Variants in RAB31 observed in about 807,000 individuals in gnomAD.
The protein encoded by RAB31 is RAB31, member RAS oncogene family, also known as ras-related protein Rab-31.
RAB31 carries 21 observed loss-of-function variants against 25.6 expected under a neutral mutation model. The ratio of observed to expected loss-of-function variants is 0.82; its 90% CI spans 0.58 to 1.18. The LOEUF (loss-of-function observed/expected upper bound fraction) is 1.18, where lower values mean the gene tolerates loss of function less well. Ranked by LOEUF, RAB31 falls within the 50% of genes most tolerant of loss-of-function variation. RAB31 has a pLI of 0.00. For synonymous variants in RAB31, 87 were observed against 84.0 expected (o/e 1.04, Z -0.20); for missense variants, 196 against 250.1 (o/e 0.78, Z 1.46).
chr18:9,749,871 A>C (rs1015047332), intron 1 of RAB31, among the ~76,000 whole-genome samples: 2 of 152,192 alleles, frequency 1.3e-5, no homozygotes, highest in African/African-American at 4.8e-5. Flanking sequence ...CAGCACACTG[A>C]GGCTTTATGG....
chr18:9,739,341 G>C lies in RAB31; in HGVS notation c.39+30897G>C, dbSNP rs545808118. Among the ~76,000 whole-genome samples the C allele has an allele frequency of 1.1e-4, 16 of 152,176 alleles. No homozygotes were observed. The South Asian group carries it at 3.3e-3, about 32-fold the overall frequency. ...TAAAAAATTAGCTGGGTGTGGTGGC[G>C]AGCACCTGTAGTCCCAGCTACTCAG... On this transcript the variant is annotated intron_variant, in intron 1 of 6. Coordinates refer to ENST00000578921, the MANE Select transcript of RAB31 (RefSeq NM_006868.4).
At chr18:9,758,955 G>C (rs1439819721) in intron 1 of RAB31, among the ~76,000 whole-genome samples, 1 of 152,130 alleles carries the variant, frequency 6.6e-6, no homozygotes. Flanking sequence ...GCTCTGTTGG[G>C]TGGGACAGGA....
At chr18:9,802,271 C>G (rs1168318642) in intron 3 of RAB31, among the ~76,000 whole-genome samples, 3 of 152,178 alleles carry the variant, frequency 2.0e-5, no homozygotes, top group African/African-American at 7.2e-5. Flanking sequence ...TTGGGGTTAC[C>G]TGCTCCTTAA....
At chr18:9,822,162 A>ACC (rs1204492184) in intron 5 of RAB31, among the ~76,000 whole-genome samples, 1 of 152,178 alleles carries the variant, frequency 6.6e-6, no homozygotes, top group Non-Finnish European at 1.5e-5. Flanking sequence ...ATCTACACAA[A>ACC]TATGCTCAAT....
In RAB31 at chr18:9,786,009, C is replaced by T. The variant is rs182311536; in HGVS notation, c.120-6145C>T. ...CCAGTTGCAGTGAGCTGAGATCATG[C>T]GACTGCACTCTAGCGTGGGCGACAG... On this transcript the variant is annotated intron_variant, in intron 2 of 6. Coordinates refer to ENST00000578921, the MANE Select transcript of RAB31 (RefSeq NM_006868.4). Among the ~76,000 whole-genome samples the T allele has an allele frequency of 6.2e-4, 94 of 151,700 alleles. 1 individual carries two copies. The highest frequency in any genetic ancestry group is 6.0e-3 in the Admixed American group (92 of 15,226).
intron 5 of RAB31, among the ~76,000 whole-genome samples, chr18:9,828,825 A>G (rs2068662923): frequency 6.6e-6 from 1 of 152,202 alleles, no homozygotes; most frequent in Non-Finnish European, 1.5e-5. Flanking sequence ...GTGAACATCA[A>G]AAGGCCTGAA....
chr18:9,712,668 G>A (rs1210764163), intron 1 of RAB31, among the ~76,000 whole-genome samples: 1 of 152,098 alleles, frequency 6.6e-6, no homozygotes, highest in Admixed American at 6.5e-5. Context: ...GAGAGAGTGG[G>A]GAGGAGGAGA....
At chr18:9,830,471 G>A (rs1367304389) in intron 5 of RAB31, 2 of 152,154 alleles carry the variant, frequency 1.3e-5, no homozygotes, top group Non-Finnish European at 1.5e-5. Context: ...CAACCTGATT[G>A]TCCGTCACCC....
At chr18:9,809,554 C>T (rs1291591547) in intron 3 of RAB31, among the ~76,000 whole-genome samples, 1 of 152,118 alleles carries the variant, frequency 6.6e-6, no homozygotes, top group African/African-American at 2.4e-5. Flanking sequence ...GCCACCTCCA[C>T]GTGGCCTGGT....
chr18:9,790,293 C>T (rs751052734), intron 2 of RAB31, among the ~76,000 whole-genome samples: 6 of 152,190 alleles, frequency 3.9e-5, no homozygotes, highest in South Asian at 2.1e-4. Context: ...GCAATCTTGG[C>T]GCTTCACTAC....
chr18:9,764,111 A>C (rs74692557), intron 1 of RAB31, among the ~76,000 whole-genome samples: 4,483 of 152,280 alleles, frequency 0.029, 158 homozygotes, highest in African/African-American at 0.083. Flanking sequence ...AAAAACGCAT[A>C]TTTTAGTTTC....
rs566360387 is a variant in RAB31 at position 9,744,003 on chromosome 18, C to T, written c.40-31275C>T. The stretch of plus-strand genomic sequence containing the variant: ...CAGTGGGTGCTTTAATCATGGGGCA[C>T]AGTGGGTGCATTAATCTTTCCTCAT... On this transcript the variant is annotated intron_variant, in intron 1 of 6. Transcript: ENST00000578921. 2.6e-5 allele frequency among the ~76,000 whole-genome samples: 4 copies of T among 152,360 alleles called. No individual in the cohort carries two copies. In the East Asian group the frequency reaches 7.7e-4, roughly 29 times the overall value.
At chr18:9,853,940 C>CT (rs1215606898) in intron 6 of RAB31, among the ~76,000 whole-genome samples, 1 of 141,144 alleles carries the variant, frequency 7.1e-6, no homozygotes. Flanking sequence ...TTAAGGTTTT[C>CT]TTTTTTTCTT....
At chr18:9,715,430 A>G (rs1330886411) in intron 1 of RAB31, among the ~76,000 whole-genome samples, 1 of 149,338 alleles carries the variant, frequency 6.7e-6, no homozygotes, top group African/African-American at 2.5e-5. Flanking sequence ...TTTTTTTTGA[A>G]AAATTTAAAA....
chr18:9,777,433 C>A (rs755727545), intron 2 of RAB31, among the ~76,000 whole-genome samples: 1 of 152,174 alleles, frequency 6.6e-6, no homozygotes. Context: ...AAAACACAAT[C>A]CGGAAAAAAG....
intron 1 of RAB31, among the ~76,000 whole-genome samples, chr18:9,743,794 G>T (rs2068191840): frequency 6.6e-6 from 1 of 152,198 alleles, no homozygotes; most frequent in Admixed American, 6.5e-5. Flanking sequence ...TCTGCCTTTG[G>T]CACCTCCAGG....
chr18:9,754,805 G>A (rs924561464), intron 1 of RAB31, among the ~76,000 whole-genome samples: 7 of 152,172 alleles, frequency 4.6e-5, no homozygotes, highest in Admixed American at 3.3e-4. Flanking sequence ...AGGATACCGA[G>A]GGACAACTGT....
Position 9,860,977 on chromosome 18 carries a change from A to C in RAB31, c.*1652A>C, listed in dbSNP as rs1432317921. 1 of 152,140 alleles carries C rather than the reference A, an allele frequency of 6.6e-6. No individual in the cohort carries two copies. The highest frequency in any genetic ancestry group is 1.5e-5 in the Non-Finnish European group (1 of 68,034). The allele number at this position is 152,140 out of a possible 1,614,324, so 9.4% of individuals were successfully genotyped here. ...ATAGGTACCTCAAAAACTGTTAGCA[A>C]GCGGCATTTGGATGTCTTGACAGGG... On this transcript the variant is annotated 3_prime_UTR_variant, in exon 7 of 7. Coordinates refer to ENST00000578921, the MANE Select transcript of RAB31 (RefSeq NM_006868.4).
At chr18:9,742,596 T>C (rs2068185346) in intron 1 of RAB31, among the ~76,000 whole-genome samples, 1 of 152,210 alleles carries the variant, frequency 6.6e-6, no homozygotes, top group South Asian at 2.1e-4. Flanking sequence ...ATAATGTCTA[T>C]TTGTTTTATT....
Sources: allele counts gnomAD v4.1 joint callset (sites outside exome capture counted in the v4.1 genomes callset), GRCh38; gene constraint gnomAD v4.1.1; transcripts MANE v1.5; gene names NCBI Gene and HGNC (gene_info 2026-07-23, HGNC 2026-07-21).